NOX4: variants seen among roughly 807,000 people sequenced by gnomAD.
The protein encoded by NOX4 is NADPH oxidase 4, also known as kidney oxidase-1.
NOX4 carries 69 observed loss-of-function variants against 87.6 expected under a neutral mutation model. The ratio of observed to expected loss-of-function variants is 0.79; its 90% CI spans 0.65 to 0.96. NOX4 has a LOEUF of 0.96. Among genes scored for constraint, NOX4 ranks in the 40% least tolerant of loss-of-function variants. The pLI is 0.00. For synonymous variants in NOX4, 275 were observed against 238.2 expected, an observed-to-expected ratio of 1.15 and a Z score of -1.42; for missense variants, 680 against 681.5, an observed-to-expected ratio of 1.00 and a Z score of 0.02.
At chr11:89,550,112 C>T in the NOX4 span, among the ~76,000 whole-genome samples, 4 of 152,132 alleles carry the variant, frequency 2.6e-5, no homozygotes, top group African/African-American at 7.2e-5. Flanking sequence ...TACACTCCCA[C>T]CAACAGTGTA....
chr11:89,575,449 C>T, the NOX4 span, among the ~76,000 whole-genome samples: 1 of 152,024 alleles, frequency 6.6e-6, no homozygotes. Flanking sequence ...ACATCTATTG[C>T]AAAATGAGAG....
At chr11:89,448,928 A>G (rs1486443931) in intron 4 of NOX4, among the ~76,000 whole-genome samples, 1 of 152,106 alleles carries the variant, frequency 6.6e-6, no homozygotes, top group Admixed American at 6.6e-5. Context: ...CTCATATCAC[A>G]TCATCACTTT....
chr11:89,345,063 C>A (rs573094694), intron 13 of NOX4, among the ~76,000 whole-genome samples: 8 of 152,200 alleles, frequency 5.3e-5, no homozygotes, highest in African/African-American at 1.9e-4. Flanking sequence ...TCAATAGAAA[C>A]AATAAACAAA....
At chr11:89,454,831 A>T (rs1404182099) in intron 2 of NOX4, among the ~76,000 whole-genome samples, 1 of 152,088 alleles carries the variant, frequency 6.6e-6, no homozygotes, top group Non-Finnish European at 1.5e-5. Flanking sequence ...ATTTTCAAAA[A>T]CCTTGTAAAG....
intron 2 of NOX4, among the ~76,000 whole-genome samples, chr11:89,470,061 T>C (rs1004003618): frequency 7.2e-6 from 1 of 138,258 alleles, no homozygotes; most frequent in Non-Finnish European, 1.5e-5. Flanking sequence ...CTCATTTTCC[T>C]CATCTGCAAA....
chr11:89,463,202 T>C (rs1024347432), intron 2 of NOX4, among the ~76,000 whole-genome samples: 3 of 151,962 alleles, frequency 2.0e-5, no homozygotes, highest in Non-Finnish European at 2.9e-5. Flanking sequence ...TTCCTATTAA[T>C]AATAATAGGA....
chr11:89,554,748 G>A, the NOX4 span, among the ~76,000 whole-genome samples: 1 of 152,078 alleles, frequency 6.6e-6, no homozygotes, highest in Non-Finnish European at 1.5e-5. Context: ...GTTAGCAATC[G>A]GTAGAAAGGC....
chr11:89,483,791 T>C (rs187468351), intron 2 of NOX4, among the ~76,000 whole-genome samples: 2 of 152,254 alleles, frequency 1.3e-5, no homozygotes, highest in African/African-American at 2.4e-5. Context: ...TAAGGTAATA[T>C]ACATGGTAAT....
At chr11:89,527,398 A>G in the NOX4 span, among the ~76,000 whole-genome samples, 1 of 152,206 alleles carries the variant, frequency 6.6e-6, no homozygotes, top group Admixed American at 6.5e-5. Context: ...GTGCATAAGT[A>G]ATGAAGAGTC....
At chr11:89,372,527 T>C (rs1013924349) in intron 12 of NOX4, among the ~76,000 whole-genome samples, 8 of 152,018 alleles carry the variant, frequency 5.3e-5, no homozygotes, top group Non-Finnish European at 1.0e-4. Flanking sequence ...TTGCCTTTCC[T>C]GATTTTTGAC....
the NOX4 span, among the ~76,000 whole-genome samples, chr11:89,526,845 A>G: frequency 6.6e-6 from 1 of 152,244 alleles, no homozygotes; most frequent in Admixed American, 6.5e-5. Flanking sequence ...TTGGGACTGG[A>G]GAGAGTGGGG....
intron 2 of NOX4, among the ~76,000 whole-genome samples, chr11:89,453,266 C>T (rs1401721088): frequency 6.6e-6 from 1 of 152,050 alleles, no homozygotes; most frequent in Non-Finnish European, 1.5e-5. Context: ...GATTTCAACT[C>T]TTTTAGATTC....
At chr11:89,522,139 C>A in the NOX4 span, among the ~76,000 whole-genome samples, 4 of 152,160 alleles carry the variant, frequency 2.6e-5, no homozygotes, top group African/African-American at 9.6e-5. Context: ...GAACTTAGGA[C>A]AGAACTACCA....
chr11:89,399,469 ATATT>A (rs1332445585), intron 11 of NOX4, among the ~76,000 whole-genome samples: 2 of 138,232 alleles, frequency 1.4e-5, no homozygotes, highest in East Asian at 4.1e-4. Flanking sequence ...ATATATATAT[ATATT>A]TGTTTTTTGA....
chr11:89,359,843 G>A (rs1048282803), intron 12 of NOX4, among the ~76,000 whole-genome samples: 4 of 152,018 alleles, frequency 2.6e-5, no homozygotes, highest in South Asian at 2.1e-4. Context: ...ATTTCTAAGA[G>A]AGACAGTATT....
intron 13 of NOX4, among the ~76,000 whole-genome samples, chr11:89,346,800 A>C (rs1276655608): frequency 6.6e-6 from 1 of 152,126 alleles, no homozygotes; most frequent in Non-Finnish European, 1.5e-5. Flanking sequence ...CTTGACTTAG[A>C]TCTCTGAGCC....
At chr11:89,378,025 T>C (rs1200093151) in intron 11 of NOX4, among the ~76,000 whole-genome samples, 2 of 152,182 alleles carry the variant, frequency 1.3e-5, no homozygotes, top group Non-Finnish European at 2.9e-5. Flanking sequence ...ATACCACTTA[T>C]TTCTCTTGCC....
intron 12 of NOX4, among the ~76,000 whole-genome samples, chr11:89,369,526 A>G (rs1018259601): frequency 3.3e-5 from 5 of 152,144 alleles, no homozygotes; most frequent in Non-Finnish European, 5.9e-5. Context: ...ATTATTAGCC[A>G]AAGTTAATAG....
chr11:89,497,529 C>A (rs1946971141), intron 1 of NOX4, among the ~76,000 whole-genome samples: 1 of 152,166 alleles, frequency 6.6e-6, no homozygotes, highest in South Asian at 2.1e-4. Flanking sequence ...TGGAAAGCAT[C>A]ATAACTTTTA....
Sources: allele counts gnomAD v4.1 joint callset (sites outside exome capture counted in the v4.1 genomes callset), GRCh38; gene constraint gnomAD v4.1.1; transcripts MANE v1.5; gene names NCBI Gene and HGNC (gene_info 2026-07-23, HGNC 2026-07-21).